The following FNTB variants were observed in gnomAD, a reference collection of about 807,000 sequenced individuals.
FNTB encodes farnesyltransferase, CAAX box, subunit beta.
FNTB carries 27 observed loss-of-function variants against 59.4 expected under a neutral mutation model. The ratio of observed to expected loss-of-function variants is 0.45; its 90% CI spans 0.34 to 0.63. FNTB has a LOEUF of 0.63. Ranked by LOEUF, FNTB falls within the 20% of genes least tolerant of loss-of-function variation. The pLI is 0.02. For missense variants in FNTB, 449 were observed against 559.6 expected (o/e 0.80, Z 1.99); for synonymous variants, 230 against 220.7 (o/e 1.04, Z -0.37).
At chr14:65,024,266 AC>A (rs2061940993) in intron 4 of FNTB, among the ~76,000 whole-genome samples, 1 of 152,202 alleles carries the variant, frequency 6.6e-6, no homozygotes, top group African/African-American at 2.4e-5. Flanking sequence ...AAATACTGCC[AC>A]CTGGGTCCCA....
chr14:65,026,857 G>A (rs183555944), intron 4 of FNTB, among the ~76,000 whole-genome samples: 10 of 150,678 alleles, frequency 6.6e-5, no homozygotes, highest in Admixed American at 3.3e-4. Flanking sequence ...GGGCAACCCC[G>A]CCTCAAAAAA....
chr14:65,017,911 C>T (rs753707180), intron 4 of FNTB, among the ~76,000 whole-genome samples: 54 of 152,066 alleles, frequency 3.6e-4, no homozygotes, highest in African/African-American at 1.0e-3. Flanking sequence ...GTCGAGATTG[C>T]GCCTTTGCAC....
chr14:65,038,185 C>T (rs1595071380), intron 7 of FNTB, among the ~76,000 whole-genome samples: 1 of 151,526 alleles, frequency 6.6e-6, no homozygotes, highest in Admixed American at 6.6e-5. Context: ...CTGAGGCGGG[C>T]GGATCACGAG....
intron 2 of FNTB, among the ~76,000 whole-genome samples, chr14:65,006,612 AC>A (rs35715662): frequency 6.6e-6 from 1 of 151,842 alleles, no homozygotes; most frequent in Non-Finnish European, 1.5e-5. Flanking sequence ...TTGTGGTTGT[AC>A]CCCCGATGAC....
chr14:65,024,977 C>G (rs1478207861), intron 4 of FNTB, among the ~76,000 whole-genome samples: 9 of 152,060 alleles, frequency 5.9e-5, no homozygotes, highest in African/African-American at 2.2e-4. Context: ...ACATTTTGGT[C>G]TTCAGAATTG....
At chr14:65,037,870 C>G (rs1292170534) in intron 7 of FNTB, among the ~76,000 whole-genome samples, 7 of 151,150 alleles carry the variant, frequency 4.6e-5, no homozygotes, top group Non-Finnish European at 8.8e-5. Context: ...ACCTCTTTCT[C>G]CCAGGTTCAA....
rs930094463 is a variant in FNTB, at chr14:64,991,160, C to T, written c.144+4063C>T. Among the ~76,000 whole-genome samples the T allele has an allele frequency of 2.0e-5, 3 of 152,144 alleles. No individual in the cohort carries two copies. Among genetic ancestry groups the T allele is most frequent in the African/African-American group, 7.2e-5 (3 of 41,430 alleles). ...GTTTGTCTTTGAACAGAGGCAAACG[C>T]GTCCTCCACTTTAAATGGCATGGTG... On this transcript the variant is annotated intron_variant, in intron 1 of 11. Coordinates refer to ENST00000246166, the MANE Select transcript of FNTB (RefSeq NM_002028.4). This position sits in a 1 kb window ranked among gnomAD's most constrained non-coding sequence, Gnocchi z 4.4.
At chr14:64,993,225 T>C (rs574711566) in intron 1 of FNTB, among the ~76,000 whole-genome samples, 8 of 152,138 alleles carry the variant, frequency 5.3e-5, no homozygotes, top group African/African-American at 1.7e-4. Context: ...GCCCACAAAT[T>C]CGAGACAGCC....
intron 11 of FNTB, among the ~76,000 whole-genome samples, chr14:65,055,673 C>T (rs1355335627): frequency 1.3e-5 from 2 of 151,978 alleles, no homozygotes; most frequent in Non-Finnish European, 2.9e-5. Context: ...TGCACCACCA[C>T]ACCCAGCTAA....
intron 8 of FNTB, among the ~76,000 whole-genome samples, 168 bp downstream of exon 8, chr14:65,041,087 T>C (rs1288146096): frequency 6.6e-6 from 1 of 152,206 alleles, no homozygotes; most frequent in Non-Finnish European, 1.5e-5. Context: ...GGCTCCCCCT[T>C]CTGCCTTTCT....
chr14:65,035,447 C>T (rs932307979), intron 7 of FNTB, among the ~76,000 whole-genome samples: 2 of 152,174 alleles, frequency 1.3e-5, no homozygotes, highest in Admixed American at 6.5e-5. Flanking sequence ...AGACTAGATA[C>T]GGAACTCAGA....
At chr14:65,026,379 C>G (rs142757862) in intron 4 of FNTB, among the ~76,000 whole-genome samples, 1 of 152,316 alleles carries the variant, frequency 6.6e-6, no homozygotes, top group Non-Finnish European at 1.5e-5. Context: ...CAGAAAACAG[C>G]TCCCCTCAGT....
rs2061925300 is a variant in FNTB, at chr14:65,023,565, T to C, written c.375-3888T>C. Among the ~76,000 whole-genome samples the C allele has an allele frequency of 6.6e-6, 1 of 152,232 alleles. No homozygotes were observed. Among genetic ancestry groups the C allele is most frequent in the African/African-American group, 2.4e-5 (1 of 41,462 alleles). On this transcript the variant is annotated intron_variant, in intron 4 of 11. Transcript: ENST00000246166. The surrounding 1 kb of genome is among the most constrained non-coding windows in gnomAD (Gnocchi z 4.1). ...AAATGTTCTATATTCTGTAAATGTC[T>C]ATAGGTGTCTATAAACATCTATACG...
At chr14:65,015,775 T>C in intron 4 of FNTB, 59 bp downstream of exon 4, 1 of 1,574,588 alleles carries the variant, frequency 6.4e-7, no homozygotes, top group Admixed American at 1.7e-5. Context: ...GAGTTTGGGA[T>C]TTTGTTTTGT....
rs1321797909 is a variant in FNTB at position 65,007,189 on chromosome 14, A to G, written c.209+2876A>G. Among the ~76,000 whole-genome samples the G allele has an allele frequency of 2.6e-5, 4 of 152,254 alleles. No individual in the cohort carries two copies. The highest frequency in any genetic ancestry group is 5.9e-5 in the Non-Finnish European group (4 of 68,044). ...TCACCATCATAGAATAAGCGAGGAT[A>G]TAAGAATAAATTAGAAAATTTATCA... On this transcript the variant is annotated intron_variant, in intron 2 of 11. Coordinates refer to ENST00000246166, the MANE Select transcript of FNTB (RefSeq NM_002028.4). This position sits in a 1 kb window ranked among gnomAD's most constrained non-coding sequence, Gnocchi z 4.9.
intron 8 of FNTB, among the ~76,000 whole-genome samples, chr14:65,043,828 CAAAAAAAAAAAAAAAA>C (rs749243788): frequency 4.7e-5 from 3 of 64,234 alleles, no homozygotes; most frequent in Admixed American, 1.8e-4. Flanking sequence ...GACTCCGTCT[CAAAAAAAAAAAAAAAA>C]AAAAAAAAAA....
chr14:65,048,057 G>A (rs1373868090), intron 9 of FNTB, among the ~76,000 whole-genome samples: 5 of 145,494 alleles, frequency 3.4e-5, no homozygotes, highest in Non-Finnish European at 7.5e-5. Flanking sequence ...GTGCAATCTC[G>A]GCTCACTGTA....
intron 11 of FNTB, among the ~76,000 whole-genome samples, chr14:65,059,323 G>A (rs549676181): frequency 3.3e-5 from 5 of 150,838 alleles, no homozygotes; most frequent in Non-Finnish European, 7.4e-5. Context: ...CCTGGCCCCC[G>A]CACTAGCCCC....
intron 11 of FNTB, among the ~76,000 whole-genome samples, chr14:65,055,915 A>G (rs1344573565): frequency 6.6e-6 from 1 of 152,158 alleles, no homozygotes; most frequent in African/African-American, 2.4e-5. Context: ...CTTAATCAGA[A>G]AAACCACCAC....
Sources: gnomAD v4.1 joint callset for allele counts (sites outside exome capture counted in the v4.1 genomes callset) on GRCh38, gnomAD v4.1.1 for gene constraint, Gnocchi (gnomAD v3.1) non-coding constraint, MANE v1.5 for transcripts, NCBI Gene and HGNC (gene_info 2026-07-23, HGNC 2026-07-21) for gene names.